Variants in EIF3H observed in about 807,000 individuals in gnomAD.
EIF3H encodes the protein eukaryotic translation initiation factor 3 subunit H.
In EIF3H, 26 loss-of-function variants were observed where a neutral mutation model predicts 44.2. The observed-to-expected ratio is 0.59, with a 90% CI of 0.43 to 0.82. The LOEUF is 0.82. EIF3H is among the 40% of genes least tolerant of loss of function. The probability of loss-of-function intolerance (pLI) is 0.00; values close to 1 mark genes in which losing one functional copy is unlikely to be tolerated. For synonymous variants in EIF3H, 166 were observed against 151.9 expected (o/e 1.09, Z -0.68); for missense variants, 359 against 432.8 (o/e 0.83, Z 1.51).
chr8:116,739,550 T>C (rs1268846298), intron 1 of EIF3H, among the ~76,000 whole-genome samples: 1 of 152,204 alleles, frequency 6.6e-6, no homozygotes, highest in Non-Finnish European at 1.5e-5. Context: ...CTCGGGAGGC[T>C]GAGGCAGGAG....
At chr8:116,710,116 G>A (rs1224266606) in intron 2 of EIF3H, among the ~76,000 whole-genome samples, 1 of 152,168 alleles carries the variant, frequency 6.6e-6, no homozygotes, top group Non-Finnish European at 1.5e-5. Context: ...AGTCACGGCA[G>A]ATTGGAAGCA....
chr8:116,679,732 C>T (rs1261710887), intron 2 of EIF3H, among the ~76,000 whole-genome samples: 2 of 6,524 alleles, frequency 3.1e-4, no homozygotes, highest in Admixed American at 6.4e-4. Flanking sequence ...CCCCTCTGCC[C>T]GGCCAGCCGC....
rs1815429379 is a variant in EIF3H, at chr8:116,755,703, C to T, written c.95G>A (p.Gly32Glu). The change falls in exon 1 of 8, where the codon GGA becomes GAA. Residue 32 changes from glycine (G) to glutamate (E), a missense_variant. This residue lies in a region of EIF3H where 91 missense variants were observed against 164.6 expected (regional missense o/e 0.55). Coordinates refer to ENST00000521861, the MANE Select transcript of EIF3H (RefSeq NM_003756.3). Reference sequence around the variant, plus strand: ...CTGCACTTGCTTCACGGCTGAATCTCCCGAGCCGCCTTTGCCTTTGCCTTT... The same window carrying T: ...CTGCACTTGCTTCACGGCTGAATCTTCCGAGCCGCCTTTGCCTTTGCCTTT... Reference protein sequence around the residue: ...AGKGKGKGGSGDSAVKQVQID... With the variant: ...AGKGKGKGGSEDSAVKQVQID... 12 of 1,614,080 alleles carry T rather than the reference C, an allele frequency of 7.4e-6. No homozygotes were observed. The highest frequency in any genetic ancestry group is 1.7e-5 in the Admixed American group (1 of 60,000).
At chr8:116,728,398 C>G (rs1299016688) in intron 1 of EIF3H, among the ~76,000 whole-genome samples, 5 of 152,000 alleles carry the variant, frequency 3.3e-5, no homozygotes, top group Admixed American at 1.3e-4. Context: ...TAGTTTAAAC[C>G]TAGTTTTAGG....
chr8:116,750,760 T>C (rs899822362), intron 1 of EIF3H, among the ~76,000 whole-genome samples: 1 of 151,976 alleles, frequency 6.6e-6, no homozygotes, highest in Non-Finnish European at 1.5e-5. Context: ...GGGGCTGGAA[T>C]GTACAGTTCC....
chr8:116,646,953 T>C (rs185740644), intron 6 of EIF3H, among the ~76,000 whole-genome samples: 7 of 152,218 alleles, frequency 4.6e-5, no homozygotes, highest in African/African-American at 1.7e-4. Context: ...TAATAAATGA[T>C]TCATCCTAAT....
intron 2 of EIF3H, among the ~76,000 whole-genome samples, chr8:116,689,903 T>C (rs1236069019): frequency 6.6e-6 from 1 of 152,172 alleles, no homozygotes; most frequent in Non-Finnish European, 1.5e-5. Context: ...ATATATCATA[T>C]GAACACAACC....
rs200121015 is a variant in EIF3H, at chr8:116,657,321, C to A, written c.458-7G>T. On this transcript the variant is annotated splice_polypyrimidine_tract_variant and splice_region_variant and intron_variant, in intron 3 of 7. Coordinates refer to ENST00000521861, the MANE Select transcript of EIF3H (RefSeq NM_003756.3). ...TGGGCAGTTTTTATGGGATCTCAAACAAGGAAAGAGAAATAAATTACTAAG... is the reference window on the plus strand; with the variant it reads ...TGGGCAGTTTTTATGGGATCTCAAAAAAGGAAAGAGAAATAAATTACTAAG... 7 of 1,601,820 alleles carry A rather than the reference C, an allele frequency of 4.4e-6. No homozygotes were observed.
At chr8:116,732,159 A>G (rs1814960339) in intron 1 of EIF3H, among the ~76,000 whole-genome samples, 1 of 152,202 alleles carries the variant, frequency 6.6e-6, no homozygotes, top group Non-Finnish European at 1.5e-5. Context: ...TATTTGAAAA[A>G]GCAAAGCAGA....
chr8:116,660,212 G>C (rs1813563717), intron 2 of EIF3H, among the ~76,000 whole-genome samples: 1 of 152,084 alleles, frequency 6.6e-6, no homozygotes, highest in Non-Finnish European at 1.5e-5. Context: ...CTATTATAAT[G>C]AATACATGAC....
In EIF3H at chr8:116,646,474, C is replaced by A. The variant is rs775588504; in HGVS notation, c.958G>T (p.Ala320Ser). Residue 320 changes from alanine to serine, a missense_variant, in exon 7 of 8, where the codon GCA becomes TCA. Coordinates refer to ENST00000521861, the MANE Select transcript of EIF3H (RefSeq NM_003756.3). ...PPARMDSLLIAGQINTYCQNI... is the reference protein window; with the variant it reads ...PPARMDSLLISGQINTYCQNI... Reference sequence around the variant, plus strand: ...GTTTTGCACTGGGCAACAATACCTGCAATGAGCAGCGAGTCCATCCTGGCA... The same window carrying A: ...GTTTTGCACTGGGCAACAATACCTGAAATGAGCAGCGAGTCCATCCTGGCA... 6.8e-6 allele frequency: 11 copies of A among 1,614,042 alleles called. No individual in the cohort carries two copies. Among genetic ancestry groups the A allele is most frequent in the African/African-American group, 4.0e-5 (3 of 74,910 alleles).
intron 2 of EIF3H, among the ~76,000 whole-genome samples, chr8:116,723,487 C>T (rs1290495547): frequency 6.6e-6 from 1 of 152,110 alleles, no homozygotes; most frequent in East Asian, 1.9e-4. Flanking sequence ...TGCTAGTGTT[C>T]AGGTGCCTAG....
At chr8:116,764,083 A>T (rs1815544481) in intron 1 of EIF3H, among the ~76,000 whole-genome samples, 1 of 152,232 alleles carries the variant, frequency 6.6e-6, no homozygotes, top group African/African-American at 2.4e-5. Context: ...TGAAGAACAT[A>T]AAAAATAAAG....
chr8:116,735,251 G>T (rs1240200565), intron 1 of EIF3H, among the ~76,000 whole-genome samples: 1 of 152,184 alleles, frequency 6.6e-6, no homozygotes, highest in East Asian at 1.9e-4. Context: ...CTTGGGTCAG[G>T]ATATGGAGTT....
At chr8:116,673,652 G>A (rs1434352484) in intron 2 of EIF3H, among the ~76,000 whole-genome samples, 1 of 152,130 alleles carries the variant, frequency 6.6e-6, no homozygotes, top group Non-Finnish European at 1.5e-5. Context: ...TAAATAAGGG[G>A]TAAAAATGTA....
rs541689130 is a variant in EIF3H, at chr8:116,642,522, TATCAATGATTAGAAAGTTAATGTCAA to T, written c.*2458_*2483del. 661 of 152,320 alleles carry T rather than the reference TATCAATGATTAGAAAGTTAATGTCAA, an allele frequency of 4.3e-3. 8 individuals carry two copies. Among genetic ancestry groups the T allele is most frequent in the African/African-American group, 0.015 (616 of 41,574 alleles). The allele number at this position is 152,320 out of a possible 1,614,324, so 9.4% of individuals were successfully genotyped here. ...AATAATGTTATGATTATTAGATTAT[TATCAATGATTAGAAAGTTAATGTCAA>T]ATATCTTCTACTTTCTTGGTTTTTT... On this transcript the variant is annotated 3_prime_UTR_variant, in exon 8 of 8. Coordinates refer to ENST00000521861, the MANE Select transcript of EIF3H (RefSeq NM_003756.3).
chr8:116,749,826 T>G (rs1815297115), intron 1 of EIF3H, among the ~76,000 whole-genome samples: 1 of 11,208 alleles, frequency 8.9e-5, no homozygotes, highest in South Asian at 2.5e-3. Flanking sequence ...TGTGGAGGGC[T>G]TACTTTTCTT....
chr8:116,740,467 T>C (rs1391565076), intron 1 of EIF3H, among the ~76,000 whole-genome samples: 1 of 152,146 alleles, frequency 6.6e-6, no homozygotes. Context: ...TCTAATTCTA[T>C]TCTGAACATC....
intron 2 of EIF3H, among the ~76,000 whole-genome samples, chr8:116,702,569 A>G (rs561355941): frequency 6.6e-6 from 1 of 152,348 alleles, no homozygotes; most frequent in African/African-American, 2.4e-5. Flanking sequence ...TTTCTACCTT[A>G]TATCATGCCT....
Sources: gnomAD v4.1 joint callset for allele counts (sites outside exome capture counted in the v4.1 genomes callset) on GRCh38, gnomAD v4.1.1 for gene constraint, gnomAD v4.1.1 regional missense constraint, MANE v1.5 for transcripts, NCBI Gene and HGNC (gene_info 2026-07-23, HGNC 2026-07-21) for gene names.